Variants in MKLN1 observed in about 807,000 individuals in gnomAD.
The protein encoded by MKLN1 is muskelin 1.
A neutral mutation model predicts 99.0 loss-of-function variants in MKLN1; 18 were observed. The ratio of observed to expected loss-of-function variants is 0.18; its 90% CI spans 0.13 to 0.27. The LOEUF (loss-of-function observed/expected upper bound fraction) is 0.27, where lower values mean the gene tolerates loss of function less well. Ranked by LOEUF, MKLN1 falls within the 10% of genes least tolerant of loss-of-function variation. MKLN1 has a pLI of 1.00. For synonymous variants in MKLN1, 288 were observed against 293.2 expected, an observed-to-expected ratio of 0.98 and a Z score of 0.18; for missense variants, 621 against 875.9, an observed-to-expected ratio of 0.71 and a Z score of 3.67.
chr7:131,382,951 T>C (rs7796937), intron 2 of MKLN1, among the ~76,000 whole-genome samples: 75,773 of 151,810 alleles, frequency 0.5, 19,581 homozygotes, highest in East Asian at 0.68. Context: ...TCTCGATCTC[T>C]TGACCTCGTG....
At chr7:131,220,667 C>A (rs1014909649) in intron 3 of MKLN1, among the ~76,000 whole-genome samples, 4 of 152,044 alleles carry the variant, frequency 2.6e-5, no homozygotes, top group Non-Finnish European at 4.4e-5. Flanking sequence ...AGCAGCTATT[C>A]GCTCATGCTG....
At chr7:131,225,474 A>AG (rs1171179541) in intron 3 of MKLN1, among the ~76,000 whole-genome samples, 3 of 152,168 alleles carry the variant, frequency 2.0e-5, no homozygotes, top group Non-Finnish European at 4.4e-5. Context: ...AGTCCCAGCC[A>AG]CCTCATATTT....
chr7:131,369,403 G>A (rs1800278348), intron 1 of MKLN1, among the ~76,000 whole-genome samples: 1 of 152,092 alleles, frequency 6.6e-6, no homozygotes, highest in African/African-American at 2.4e-5. Context: ...AATTTGATGG[G>A]TAAAAAGGGA....
chr7:131,151,410 T>G (rs1795886830), intron 2 of MKLN1, among the ~76,000 whole-genome samples: 1 of 152,224 alleles, frequency 6.6e-6, no homozygotes, highest in Non-Finnish European at 1.5e-5. Context: ...GTTTTTGTGT[T>G]ATGTAAAAAG....
chr7:131,193,966 A>G (rs1796604676), intron 2 of MKLN1, among the ~76,000 whole-genome samples: 1 of 151,354 alleles, frequency 6.6e-6, no homozygotes, highest in Non-Finnish European at 1.5e-5. Context: ...ACATAACATA[A>G]AATTACCTAG....
At chr7:131,363,730 A>AT (rs573748682) in intron 1 of MKLN1, among the ~76,000 whole-genome samples, 50 of 147,924 alleles carry the variant, frequency 3.4e-4, no homozygotes, top group African/African-American at 1.2e-3. Context: ...CAGAGAGGTG[A>AT]TTTTTTTCTT....
intron 12 of MKLN1, among the ~76,000 whole-genome samples, chr7:131,449,765 A>G (rs1796125383): frequency 6.6e-6 from 1 of 151,810 alleles, no homozygotes; most frequent in Admixed American, 6.6e-5. Context: ...AGAGGATTCT[A>G]ATATGCGGCT....
At chr7:131,459,380 G>C (rs1158918373) in intron 12 of MKLN1, among the ~76,000 whole-genome samples, 1 of 152,096 alleles carries the variant, frequency 6.6e-6, no homozygotes, top group Non-Finnish European at 1.5e-5. Context: ...GGCTGACTTT[G>C]GGAAAAAGAG....
chr7:131,262,081 C>G (rs1213986944), intron 3 of MKLN1, among the ~76,000 whole-genome samples: 1 of 152,102 alleles, frequency 6.6e-6, no homozygotes, highest in African/African-American at 2.4e-5. Context: ...GTACAACAAA[C>G]CCTACAACAT....
rs772966911 is a variant in MKLN1 at position 131,298,810 on chromosome 7, GT to G, written c.-178-76611del. On this transcript the variant is annotated intron_variant, in intron 3 of 7. Coordinates refer to the MKLN1 transcript ENST00000416992. Reference sequence around the variant, plus strand: ...TCGATGGAGCAATTTTTGTTTGGTAGTTTAGTATTCTAAGGCTGTTCATGGA... The same window carrying G: ...TCGATGGAGCAATTTTTGTTTGGTAGTTAGTATTCTAAGGCTGTTCATGGA... Among the ~76,000 whole-genome samples the G allele has an allele frequency of 2.0e-5, 3 of 152,192 alleles. 1 individual carries two copies. Among genetic ancestry groups the G allele is most frequent in the African/African-American group, 4.8e-5 (2 of 41,434 alleles).
At chr7:131,206,137 A>G (rs1391349730) in intron 3 of MKLN1, among the ~76,000 whole-genome samples, 2 of 152,004 alleles carry the variant, frequency 1.3e-5, no homozygotes, top group African/African-American at 4.8e-5. Context: ...CAGGTGATCC[A>G]CCGCCTCAGC....
chr7:131,169,050 T>G (rs916973092), intron 2 of MKLN1, among the ~76,000 whole-genome samples: 2 of 152,146 alleles, frequency 1.3e-5, no homozygotes, highest in Non-Finnish European at 2.9e-5. Context: ...GTATTTTTAG[T>G]AAGACGGGTT....
rs567138879 is a variant in MKLN1 at position 131,287,659 on chromosome 7, G to A, written c.-179+84685G>A. Among the ~76,000 whole-genome samples, 93 of 152,182 alleles carry A rather than the reference G, an allele frequency of 6.1e-4. No individual in the cohort carries two copies. In the Middle Eastern group the frequency reaches 0.01, roughly 17 times the overall value. Reference sequence around the variant, plus strand: ...TCGGCTGTGGGCATGTTTTGTTGGCGGGGGAGGGGGAGGAGAATATCATTC... The same window carrying A: ...TCGGCTGTGGGCATGTTTTGTTGGCAGGGGAGGGGGAGGAGAATATCATTC... On this transcript the variant is annotated intron_variant, in intron 3 of 7. Coordinates refer to the MKLN1 transcript ENST00000416992.
intron 4 of MKLN1, among the ~76,000 whole-genome samples, chr7:131,389,358 A>G (rs1794125519): frequency 6.6e-6 from 1 of 152,162 alleles, no homozygotes; most frequent in African/African-American, 2.4e-5. Context: ...TGGAAGGTTT[A>G]TCACTTATAC....
At chr7:131,322,606 C>T (rs1007544737) in intron 3 of MKLN1, among the ~76,000 whole-genome samples, 1 of 143,128 alleles carries the variant, frequency 7.0e-6, no homozygotes. Context: ...CTCTGTCGCC[C>T]AGGCCGGACT....
chr7:131,465,956 C>T (rs1488929607), intron 14 of MKLN1, among the ~76,000 whole-genome samples: 2 of 151,932 alleles, frequency 1.3e-5, no homozygotes, highest in Non-Finnish European at 2.9e-5. Context: ...TAATTTTATC[C>T]CCATTATTTG....
At chr7:131,283,218 C>A (rs768545198) in intron 3 of MKLN1, among the ~76,000 whole-genome samples, 1 of 152,104 alleles carries the variant, frequency 6.6e-6, no homozygotes. Context: ...CTCAGAGTTA[C>A]CTGTGGGATA....
chr7:131,143,973 ACC>A (rs1329575270), intron 2 of MKLN1, among the ~76,000 whole-genome samples: 1 of 152,142 alleles, frequency 6.6e-6, no homozygotes, highest in African/African-American at 2.4e-5. Context: ...CCTATCGTCA[ACC>A]CCACTGCATC....
At chr7:131,242,105 A>G (rs753547452) in intron 3 of MKLN1, among the ~76,000 whole-genome samples, 2 of 152,278 alleles carry the variant, frequency 1.3e-5, no homozygotes, top group African/African-American at 2.4e-5. Flanking sequence ...AAGATTAAAT[A>G]CAGCAAATCT....
Sources: gnomAD v4.1 joint callset for allele counts (sites outside exome capture counted in the v4.1 genomes callset) on GRCh38, gnomAD v4.1.1 for gene constraint, MANE v1.5 for transcripts, NCBI Gene and HGNC (gene_info 2026-07-23, HGNC 2026-07-21) for gene names.